RASL11B: variants seen among roughly 807,000 people sequenced by gnomAD.
RASL11B encodes the protein RAS like family 11 member B, also known as ras-like protein family member 11B.
RASL11B carries 14 observed loss-of-function variants against 22.9 expected under a neutral mutation model. The observed-to-expected ratio is 0.61, with a 90% CI of 0.40 to 0.96. RASL11B has a LOEUF of 0.96. RASL11B is among the 40% of genes least tolerant of loss of function. The probability of loss-of-function intolerance (pLI) is 0.00; values close to 1 mark genes in which losing one functional copy is unlikely to be tolerated. For synonymous variants in RASL11B, 143 were observed against 130.2 expected (o/e 1.10, Z -0.67); for missense variants, 261 against 322.0 (o/e 0.81, Z 1.45).
At chr4:52,862,688 G>A in intron 1 of RASL11B, 39 bp downstream of exon 1, 1 of 1,499,872 alleles carries the variant, frequency 6.7e-7, no homozygotes, top group Non-Finnish European at 8.8e-7. Flanking sequence ...GGTCTTGGAC[G>A]ACCCCTGACG....
rs532262858 is a variant in RASL11B at position 52,862,566 on chromosome 4, C to A, written c.59C>A (p.Ala20Glu). The A allele has an allele frequency of 6.2e-7, 1 of 1,604,192 alleles. No homozygotes were observed. The highest frequency in any genetic ancestry group is 8.5e-7 in the Non-Finnish European group (1 of 1,177,158). ...GAGTACCCCGCGCCGGGCAACGCCG[C>A]GGCCTCCGACTGCTGTGTGGGCGCC... ...IAEYPAPGNAAASDCCVGAAG... is the reference protein window; with the variant it reads ...IAEYPAPGNAEASDCCVGAAG... The change falls in exon 1 of 4, where the codon GCG becomes GAG. Residue 20 changes from alanine (A) to glutamate (E), a missense_variant. Coordinates refer to ENST00000248706, the MANE Select transcript of RASL11B (RefSeq NM_023940.3).
rs540688644 is a variant in RASL11B at position 52,865,781 on chromosome 4, A to G, written c.723A>G (p.Lys241=). ...KRRFKQALSA[K]VRTVTSV Reference sequence around the variant, plus strand: ...GGTTTAAGCAAGCCCTCTCTGCCAAAGTGAGGACTGTCACCTCCGTCTGAA... The same window carrying G: ...GGTTTAAGCAAGCCCTCTCTGCCAAGGTGAGGACTGTCACCTCCGTCTGAA... Residue 241 remains lysine (K), a synonymous_variant, in exon 4 of 4, where the codon AAA becomes AAG. Coordinates refer to ENST00000248706, the MANE Select transcript of RASL11B (RefSeq NM_023940.3). The G allele has an allele frequency of 1.4e-5, 22 of 1,613,782 alleles. No individual in the cohort carries two copies. Among genetic ancestry groups the G allele is most frequent in the African/African-American group, 2.7e-5 (2 of 75,030 alleles).
In RASL11B at chr4:52,862,449, A is replaced by C. The variant is rs1304232271; in HGVS notation, c.-59A>C. On this transcript the variant is annotated 5_prime_UTR_variant, in exon 1 of 4. Coordinates refer to ENST00000248706, the MANE Select transcript of RASL11B (RefSeq NM_023940.3). ...CGGGTCCTCCCGCCCGCTCCCGCGCAGCGCTAGCATTCTCCAGTCCCTCAG... is the reference window on the plus strand; with the variant it reads ...CGGGTCCTCCCGCCCGCTCCCGCGCCGCGCTAGCATTCTCCAGTCCCTCAG... 7.0e-7 allele frequency: 1 copy of C among 1,436,322 alleles called. No homozygotes were observed. The highest frequency in any genetic ancestry group is 9.2e-7 in the Non-Finnish European group (1 of 1,083,616). The allele number at this position is 1,436,322 out of a possible 1,614,324, so 89.0% of individuals were successfully genotyped here. A position where few individuals can be genotyped will look rare whatever the true frequency, so the allele number is the denominator to read the frequency against.
chr4:52,862,799 C>A lies in RASL11B; in HGVS notation c.142+150C>A, dbSNP rs1002179913. 5.9e-5 allele frequency: 55 copies of A among 931,408 alleles called. No individual in the cohort carries two copies. The Admixed American group carries it at 9.0e-4, about 15-fold the overall frequency. 57.7% of individuals were successfully genotyped at this position (931,408 alleles called of 1,614,324 possible). The stretch of plus-strand genomic sequence containing the variant: ...CGCTGCCCCTTGGGAGTGGGCTTAG[C>A]CGTTGTCTACGCCACCCGCCTGCTT... On this transcript the variant is annotated intron_variant, in intron 1 of 3. Transcript: ENST00000248706.
chr4:52,866,015 G>A lies in RASL11B; in HGVS notation c.*210G>A. 1 of 581,160 alleles carries A rather than the reference G, an allele frequency of 1.7e-6. No individual in the cohort carries two copies. Among genetic ancestry groups the A allele is most frequent in the Non-Finnish European group, 3.1e-6 (1 of 326,842 alleles). The allele number at this position is 581,160 out of a possible 1,614,324, so 36.0% of individuals were successfully genotyped here. ...GATGAGGCTTGAAAGAGCCCACTGA[G>A]CCACTCTCTGAATATGTGAAATGTA... On this transcript the variant is annotated 3_prime_UTR_variant, in exon 4 of 4. Transcript: ENST00000248706.
At position 52,866,310 on chromosome 4, in the gene RASL11B, T is replaced by C. The variant is rs1718259794; in HGVS notation, c.*505T>C. ...GATTTGTAACTCTGGAACACTATTCTTACAGAATGCCTTTCTAACCTGAAG... is the reference window on the plus strand; with the variant it reads ...GATTTGTAACTCTGGAACACTATTCCTACAGAATGCCTTTCTAACCTGAAG... On this transcript the variant is annotated 3_prime_UTR_variant, in exon 4 of 4. Coordinates refer to ENST00000248706, the MANE Select transcript of RASL11B (RefSeq NM_023940.3). 6.4e-6 allele frequency: 1 copy of C among 156,244 alleles called. No homozygotes were observed. Among genetic ancestry groups the C allele is most frequent in the Admixed American group, 6.2e-5 (1 of 16,002 alleles). The allele number at this position is 156,244 out of a possible 1,614,324, so 9.7% of individuals were successfully genotyped here.
In RASL11B at chr4:52,865,683, A is replaced by T; in HGVS notation, c.625A>T (p.Ser209Cys). The T allele has an allele frequency of 6.2e-7, 1 of 1,614,166 alleles. No homozygotes were observed. The highest frequency in any genetic ancestry group is 1.1e-5 in the South Asian group (1 of 91,078). Residue 209 changes from serine to cysteine, a missense_variant, in exon 4 of 4, where the codon AGT (serine) becomes TGT (cysteine). Physicochemically the swap from Ser to Cys is moderately radical, Grantham distance 112. Coordinates refer to ENST00000248706, the MANE Select transcript of RASL11B (RefSeq NM_023940.3). ...KEVSHKQQPS[S>C]TPEKRRTSLI... is the part of the protein sequence containing the mutation. ...GGTCAGTCACAAACAGCAGCCTAGC[A>T]GTACACCCGAGAAGCGAAGAACCTC...
At position 52,866,157 on chromosome 4, in the gene RASL11B, A is replaced by G. The variant is rs189481128; in HGVS notation, c.*352A>G. 401 of 249,158 alleles carry G rather than the reference A, an allele frequency of 1.6e-3. 1 individual carries two copies. The highest frequency in any genetic ancestry group is 1.6e-3 in the Non-Finnish European group (210 of 130,044). The allele number at this position is 249,158 out of a possible 1,614,324, so 15.4% of individuals were successfully genotyped here. A position where few individuals can be genotyped will look rare whatever the true frequency, so the allele number is the denominator to read the frequency against. ...CACCAAATGTATTGATGTGATTTAC[A>G]GTGGGAATGAAAGAACAGATTAAGC... On this transcript the variant is annotated 3_prime_UTR_variant, in exon 4 of 4. Coordinates refer to ENST00000248706, the MANE Select transcript of RASL11B (RefSeq NM_023940.3).
intron 2 of RASL11B, chr4:52,863,597 C>A (rs1016379564): frequency 2.9e-5 from 13 of 440,920 alleles, no homozygotes; most frequent in Non-Finnish European, 4.1e-5. Context: ...GTTGGAAGCA[C>A]CCTTTGTAGT....
rs1217597165 is a variant in RASL11B at position 52,866,238 on chromosome 4, TTCC to T, written c.*436_*438del. On this transcript the variant is annotated 3_prime_UTR_variant, in exon 4 of 4. Transcript: ENST00000248706. ...TCTTTTTTCTCTTTTCTTCTTTCTT[TTCC>T]TCTTTTTCCCCAAGAGGAAGAATTG... The T allele has an allele frequency of 6.0e-6, 1 of 166,148 alleles. No homozygotes were observed. Among genetic ancestry groups the T allele is most frequent in the African/African-American group, 2.4e-5 (1 of 41,656 alleles). The allele number at this position is 166,148 out of a possible 1,614,324, so 10.3% of individuals were successfully genotyped here. A position where few individuals can be genotyped will look rare whatever the true frequency, so the allele number is the denominator to read the frequency against.
In RASL11B at chr4:52,862,538, G is replaced by A; in HGVS notation, c.31G>A (p.Ala11Thr). 6.2e-7 allele frequency: 1 copy of A among 1,606,466 alleles called. No homozygotes were observed. Among genetic ancestry groups the A allele is most frequent in the East Asian group, 2.3e-5 (1 of 44,274 alleles). ...CCTCATTCAGAACATGTGCACCATC[G>A]CCGAGTACCCCGCGCCGGGCAACGC... MRLIQNMCTI[A>T]EYPAPGNAAA... The change falls in exon 1 of 4, where the codon GCC becomes ACC. Residue 11 changes from alanine to threonine, a missense_variant. Coordinates refer to ENST00000248706, the MANE Select transcript of RASL11B (RefSeq NM_023940.3).
Position 52,862,368 on chromosome 4 carries a change from C to G in RASL11B, c.-140C>G. ...CGGAACCTCGGCGCTCGGCCCCACC[C>G]CGCCCGTACCTGCACTTATTTATTG... On this transcript the variant is annotated 5_prime_UTR_variant, in exon 1 of 4. Transcript: ENST00000248706. The G allele has an allele frequency of 4.2e-6, 3 of 708,614 alleles. 1 individual carries two copies. The South Asian group carries it at 7.0e-5, about 17-fold the overall frequency. 43.9% of individuals were successfully genotyped at this position (708,614 alleles called of 1,614,324 possible).
Position 52,863,290 on chromosome 4 carries a change from C to A in RASL11B, c.165C>A (p.Thr55=). 1 of 1,613,832 alleles carries A rather than the reference C, an allele frequency of 6.2e-7. No homozygotes were observed. Among genetic ancestry groups the A allele is most frequent in the Non-Finnish European group, 8.5e-7 (1 of 1,179,894 alleles). The change falls in exon 2 of 4, where the codon ACC becomes ACA. Residue 55 remains threonine, a synonymous_variant. Transcript: ENST00000248706. ...CAGCACTGGTGGTCCGGTTCCTCAC[C>A]AAACGATTCATCGGTGACTATGAAA... ...GKTALVVRFL[T]KRFIGDYERN...
Position 52,862,344 on chromosome 4 carries a change from G to C in RASL11B, c.-164G>C, listed in dbSNP as rs1290898451. On this transcript the variant is annotated 5_prime_UTR_variant, in exon 1 of 4. Coordinates refer to ENST00000248706, the MANE Select transcript of RASL11B (RefSeq NM_023940.3). ...TCTGGGTCTGGAGCCTGAGCCCTGC[G>C]GAACCTCGGCGCTCGGCCCCACCCC... 2 of 688,494 alleles carry C rather than the reference G, an allele frequency of 2.9e-6. No homozygotes were observed. The highest frequency in any genetic ancestry group is 4.5e-6 in the Non-Finnish European group (2 of 447,646). 42.6% of individuals were successfully genotyped at this position (688,494 alleles called of 1,614,324 possible). A position where few individuals can be genotyped will look rare whatever the true frequency, so the allele number is the denominator to read the frequency against.
chr4:52,862,612 G>C lies in RASL11B; in HGVS notation c.105G>C (p.Lys35Asn), dbSNP rs768740875. 1 of 1,593,138 alleles carries C rather than the reference G, an allele frequency of 6.3e-7. No homozygotes were observed. ...GCGCCGCCGGCCGCCGCCTGGTCAA[G>C]ATCGCCGTGGTGGGCGCCAGCGGCG... ...CVGAAGRRLV[K>N]IAVVGASGVG... Residue 35 changes from lysine to asparagine, a missense_variant, in exon 1 of 4, where the codon AAG becomes AAC. By Grantham distance (94) the Lys-to-Asn change is moderately conservative. Coordinates refer to ENST00000248706, the MANE Select transcript of RASL11B (RefSeq NM_023940.3).
chr4:52,864,490 C>T lies in RASL11B; in HGVS notation c.212C>T (p.Thr71Ile), dbSNP rs1718222440. 1.3e-6 allele frequency: 2 copies of T among 1,598,696 alleles called. No individual in the cohort carries two copies. Among genetic ancestry groups the T allele is most frequent in the Non-Finnish European group, 1.7e-6 (2 of 1,165,968 alleles). Residue 71 changes from threonine to isoleucine, a missense_variant, in exon 3 of 4, where the codon ACT (threonine) becomes ATT (isoleucine). Physicochemically the swap from Thr to Ile is moderately conservative, Grantham distance 89. Transcript: ENST00000248706. ...DYERNAGNLY[T>I]RQVQIEGETL... ...TTTGCCTTCATAGGTAATCTCTATA[C>T]TAGACAAGTTCAGATAGAAGGTGAA...
rs1357391483 is a variant in RASL11B at position 52,862,461 on chromosome 4, C to T, written c.-47C>T. On this transcript the variant is annotated 5_prime_UTR_variant, in exon 1 of 4. Coordinates refer to ENST00000248706, the MANE Select transcript of RASL11B (RefSeq NM_023940.3). ...CCCGCTCCCGCGCAGCGCTAGCATT[C>T]TCCAGTCCCTCAGTCCCTTCCCGCG... The T allele has an allele frequency of 4.4e-6, 7 of 1,580,670 alleles. No individual in the cohort carries two copies. In the East Asian group the frequency reaches 1.4e-4, roughly 32 times the overall value.
intron 1 of RASL11B, 29 bp downstream of exon 1, chr4:52,862,678 G>A (rs1319395600): frequency 6.6e-7 from 1 of 1,518,032 alleles, no homozygotes. Context: ...CCCTGGGTCT[G>A]GTCTTGGACG....
Position 52,863,322 on chromosome 4 carries a change from C to T in RASL11B, c.197C>T (p.Ala66Val), listed in dbSNP as rs745846257. The change falls in exon 2 of 4, where the codon GCA (alanine) becomes GTA (valine). Residue 66 changes from alanine (A) to valine (V), a missense_variant and splice_region_variant. Transcript: ENST00000248706. ...TTCATCGGTGACTATGAAAGAAATG[C>T]AGGTGAGACAATGCATTTGAGAAAA... ...KRFIGDYERNAGNLYTRQVQI... is the reference protein window; with the variant it reads ...KRFIGDYERNVGNLYTRQVQI... 1.9e-5 allele frequency: 30 copies of T among 1,612,772 alleles called. No homozygotes were observed. The highest frequency in any genetic ancestry group is 2.5e-5 in the Non-Finnish European group (29 of 1,179,216).
Sources: allele counts gnomAD v4.1 joint callset, GRCh38; gene constraint gnomAD v4.1.1; transcripts MANE v1.5; gene names NCBI Gene and HGNC (gene_info 2026-07-23, HGNC 2026-07-21).